The following NDRG2 variants were observed in gnomAD, a reference collection of about 807,000 sequenced individuals.
NDRG2 encodes the protein protein NDRG2.
NDRG2 carries 34 observed loss-of-function variants against 58.2 expected under a neutral mutation model. The observed-to-expected ratio is 0.58, with a 90% CI of 0.44 to 0.78. NDRG2 has a LOEUF of 0.78. Among genes scored for constraint, NDRG2 ranks in the 30% least tolerant of loss-of-function variants. The pLI, the probability that NDRG2 is intolerant of heterozygous loss-of-function variation, is 0.00. For missense variants in NDRG2, 434 were observed against 471.2 expected (o/e 0.92, Z 0.73); for synonymous variants, 187 against 175.9 (o/e 1.06, Z -0.50).
Position 21,017,358 on chromosome 14 carries a change from G to C in NDRG2, c.*238C>G. 1 of 570,588 alleles carries C rather than the reference G, an allele frequency of 1.8e-6. No homozygotes were observed. The highest frequency in any genetic ancestry group is 3.1e-6 in the Non-Finnish European group (1 of 320,068). 35.3% of individuals were successfully genotyped at this position (570,588 alleles called of 1,614,324 possible). A position where few individuals can be genotyped will look rare whatever the true frequency, so the allele number is the denominator to read the frequency against. On this transcript the variant is annotated 3_prime_UTR_variant, in exon 16 of 16. Coordinates refer to ENST00000556147, the MANE Select transcript of NDRG2 (RefSeq NM_001320329.2). ...TCTCCACCTTAACATCAAAATGGGG[G>C]AGGAGGAGAATTTAGGGGTCTGGGT...
intron 1 of NDRG2, chr14:21,044,244 A>C (rs1029549980): frequency 6.1e-6 from 1 of 164,610 alleles, no homozygotes; most frequent in African/African-American, 2.4e-5. Flanking sequence ...GAGATTGTTT[A>C]TGAGGTGCTC....
rs914880557 is a variant in NDRG2, at chr14:21,024,853, A to G, written c.-830T>C. 11 of 985,574 alleles carry G rather than the reference A, an allele frequency of 1.1e-5. No individual in the cohort carries two copies. Among genetic ancestry groups the G allele is most frequent in the Non-Finnish European group, 1.2e-5 (10 of 830,118 alleles). The allele number at this position is 985,574 out of a possible 1,614,324, so 61.1% of individuals were successfully genotyped here. A position where few individuals can be genotyped will look rare whatever the true frequency, so the allele number is the denominator to read the frequency against. On this transcript the variant is annotated 5_prime_UTR_variant, in exon 1 of 16. Transcript: ENST00000556147. ...TGCACACAACCTCGCGCGCACCCCA[A>G]ACACGCCCTGCAGCTCTTGGAGCCT...
At chr14:21,047,365 A>G (rs549604177) in intron 1 of NDRG2, among the ~76,000 whole-genome samples, 1 of 152,310 alleles carries the variant, frequency 6.6e-6, no homozygotes, top group East Asian at 1.9e-4. Flanking sequence ...ATAAATCCAA[A>G]TGGCCTGGCC....
At chr14:21,031,007 A>C in intron 1 of NDRG2, 2 of 1,601,734 alleles carry the variant, frequency 1.2e-6, no homozygotes, top group Non-Finnish European at 1.7e-6. Flanking sequence ...TGTCTAACTG[A>C]CCAGGGCCAA....
intron 1 of NDRG2, among the ~76,000 whole-genome samples, chr14:21,066,230 G>T (rs2139171157): frequency 6.6e-6 from 1 of 152,194 alleles, no homozygotes; most frequent in African/African-American, 2.4e-5. Flanking sequence ...GAAAAGGAGA[G>T]ATAGGCAGAA....
At chr14:21,047,028 T>C (rs1777954582) in intron 1 of NDRG2, 1 of 152,170 alleles carries the variant, frequency 6.6e-6, no homozygotes, top group Non-Finnish European at 1.5e-5. Flanking sequence ...ACAGTTCAAA[T>C]CATTGTTGAT....
chr14:21,018,512 A>G lies in NDRG2; in HGVS notation c.814-8T>C, dbSNP rs35076247. On this transcript the variant is annotated splice_region_variant and splice_polypyrimidine_tract_variant and intron_variant, in intron 12 of 15. Transcript: ENST00000556147. The stretch of plus-strand genomic sequence containing the variant: ...TTTTGAGTTACATTCCACCTGGAGT[A>G]AGCAGGAGGCTGAATGAATGAGGTC... 9.0e-4 allele frequency: 1,452 copies of G among 1,613,830 alleles called. 35 individuals are homozygous for G. The East Asian group carries it at 0.026, about 29-fold the overall frequency.
At chr14:21,020,452 G>T in intron 8 of NDRG2, 44 bp downstream of exon 8, 1 of 1,518,820 alleles carries the variant, frequency 6.6e-7, no homozygotes, top group Non-Finnish European at 9.1e-7. Context: ...ATCCATACGA[G>T]GGGATCCCCA....
chr14:21,043,316 G>A, intron 1 of NDRG2: 1 of 1,614,190 alleles, frequency 6.2e-7, no homozygotes. Flanking sequence ...CCCTGACCAT[G>A]TGTAAGCTCA....
At chr14:21,034,360 A>G in intron 1 of NDRG2, 7 of 1,085,842 alleles carry the variant, frequency 6.4e-6, no homozygotes, top group Non-Finnish European at 9.5e-6. Context: ...CACATCCCAG[A>G]GCCTCCAGCA....
chr14:21,017,921 A>G, intron 15 of NDRG2, 66 bp downstream of exon 15: 1 of 1,613,334 alleles, frequency 6.2e-7, no homozygotes, highest in South Asian at 1.1e-5. Flanking sequence ...CATTCACCTA[A>G]AACGGTTCCA....
Position 21,062,138 on chromosome 14 carries a change from A to G in NDRG2, c.24+8690T>C, listed in dbSNP as rs193235504. ...GATTTATAACTTTAACATAGGAAAC[A>G]TAAGTGTTAAAAAGCCAAGTAGCCT... On this transcript the variant is annotated intron_variant, in intron 1 of 14. Transcript: ENST00000403829. 5.7e-3 allele frequency among the ~76,000 whole-genome samples: 865 copies of G among 152,374 alleles called. 4 individuals are homozygous for G. The highest frequency in any genetic ancestry group is 5.8e-3 in the Non-Finnish European group (396 of 68,040).
intron 1 of NDRG2, among the ~76,000 whole-genome samples, chr14:21,066,247 T>C (rs1443351716): frequency 1.3e-5 from 2 of 151,320 alleles, no homozygotes; most frequent in Non-Finnish European, 2.9e-5. Context: ...AGAAAAGGAA[T>C]CATGATGCAA....
rs1280296830 is a variant in NDRG2 at position 21,068,017 on chromosome 14, T to G, written c.24+2811A>C. 2.8e-4 allele frequency among the ~76,000 whole-genome samples: 8 copies of G among 28,138 alleles called. 2 individuals carry two copies. Among genetic ancestry groups the G allele is most frequent in the African/African-American group, 7.5e-4 (8 of 10,614 alleles). 18.5% of individuals were successfully genotyped at this position (28,138 alleles called of 152,430 possible). A position where few individuals can be genotyped will look rare whatever the true frequency, so the allele number is the denominator to read the frequency against. ...TTTTTTTTTTTTTTTTTTTTTTTTT[T>G]GAGACGGAGTCTCGCTCTGTCGCCC... is the stretch of plus-strand genomic sequence containing the variant. On this transcript the variant is annotated intron_variant, in intron 1 of 14. Coordinates refer to the NDRG2 transcript ENST00000403829.
chr14:21,032,976 C>A (rs185545100), intron 1 of NDRG2: 1 of 456,084 alleles, frequency 2.2e-6, no homozygotes, highest in East Asian at 6.9e-5. Flanking sequence ...CGATTAGAGC[C>A]GGGCCTGCCT....
At chr14:21,053,862 G>A (rs955715848) in intron 1 of NDRG2, among the ~76,000 whole-genome samples, 4 of 152,110 alleles carry the variant, frequency 2.6e-5, no homozygotes, top group Non-Finnish European at 5.9e-5. Flanking sequence ...CAATGAACTC[G>A]GAAGTGCCTT....
intron 1 of NDRG2, among the ~76,000 whole-genome samples, chr14:21,037,674 C>T (rs779140388): frequency 1.2e-4 from 19 of 152,158 alleles, no homozygotes; most frequent in Non-Finnish European, 2.5e-4. Flanking sequence ...AATTTCTTAA[C>T]CAAAGCAGAC....
chr14:21,027,505 T>C (rs574460531), upstream of NDRG2, among the ~76,000 whole-genome samples: 13 of 152,370 alleles, frequency 8.5e-5, no homozygotes, highest in East Asian at 1.4e-3. Context: ...GTAAGTCCTA[T>C]AGCAGTAGTT....
chr14:21,059,701 T>C (rs1053642816), intron 1 of NDRG2, among the ~76,000 whole-genome samples: 2 of 152,092 alleles, frequency 1.3e-5, no homozygotes, highest in African/African-American at 2.4e-5. Flanking sequence ...GGTTTCACCA[T>C]GTTACCCGGG....
Sources: allele counts gnomAD v4.1 joint callset (sites outside exome capture counted in the v4.1 genomes callset), GRCh38; gene constraint gnomAD v4.1.1; transcripts MANE v1.5; gene names NCBI Gene and HGNC (gene_info 2026-07-23, HGNC 2026-07-21).